The following ADAMTS2 variants were observed in gnomAD, a reference collection of about 807,000 sequenced individuals.
The protein encoded by ADAMTS2 is ADAM metallopeptidase with thrombospondin type 1 motif 2, also known as A disintegrin and metalloproteinase with thrombospondin motifs 2.
Under a neutral mutation model 123.0 loss-of-function variants are expected in ADAMTS2, and 50 were observed. That is an observed-to-expected ratio of 0.41 (90% CI 0.32 to 0.51). The LOEUF (loss-of-function observed/expected upper bound fraction) is 0.51, where lower values mean the gene tolerates loss of function less well. Among genes scored for constraint, ADAMTS2 ranks in the 20% least tolerant of loss-of-function variants. The probability of loss-of-function intolerance (pLI) is 0.35; values close to 1 mark genes in which losing one functional copy is unlikely to be tolerated. For synonymous variants in ADAMTS2, 678 were observed against 695.4 expected (o/e 0.98, Z 0.39); for missense variants, 1,494 against 1,705.2 (o/e 0.88, Z 2.18).
chr5:179,275,782 C>T (rs1256104789), intron 2 of ADAMTS2, among the ~76,000 whole-genome samples: 1 of 152,224 alleles, frequency 6.6e-6, no homozygotes, highest in African/African-American at 2.4e-5. Flanking sequence ...TTCGGACGTC[C>T]GGCCTCAGAA....
chr5:179,342,699 G>T (rs1757811788), intron 2 of ADAMTS2, among the ~76,000 whole-genome samples: 1 of 152,222 alleles, frequency 6.6e-6, no homozygotes, highest in African/African-American at 2.4e-5. Flanking sequence ...GGCGGCTTCA[G>T]ATGTCTGGCC....
At chr5:179,328,589 AT>A (rs1252728882) in intron 2 of ADAMTS2, among the ~76,000 whole-genome samples, 3 of 152,220 alleles carry the variant, frequency 2.0e-5, no homozygotes, top group African/African-American at 7.2e-5. Context: ...CTAATGTGTC[AT>A]TTTTAACTCT....
At chr5:179,207,755 C>G (rs562021310) in intron 3 of ADAMTS2, 40 bp from the exon 4 acceptor site, 48 of 1,588,278 alleles carry the variant, frequency 3.0e-5, no homozygotes, top group Non-Finnish European at 3.9e-5. Flanking sequence ...CAGGGCAAAC[C>G]CACCCGGACA....
intron 5 of ADAMTS2, among the ~76,000 whole-genome samples, chr5:179,163,936 A>T (rs796451623): frequency 2.6e-5 from 4 of 151,048 alleles, no homozygotes; most frequent in East Asian, 2.0e-4. Context: ...GCTGGGGTGC[A>T]TGGGCACAGG....
chr5:179,191,417 C>T (rs771554694), intron 4 of ADAMTS2, among the ~76,000 whole-genome samples: 10 of 152,186 alleles, frequency 6.6e-5, no homozygotes, highest in Non-Finnish European at 1.0e-4. Context: ...TGTGGCCCGG[C>T]CCATCCCGTG....
At chr5:179,344,302 C>A in intron 1 of ADAMTS2, 141 bp from the exon 2 acceptor site, 1 of 1,137,362 alleles carries the variant, frequency 8.8e-7, no homozygotes, top group Non-Finnish European at 1.2e-6. Flanking sequence ...AGAAGCCAGC[C>A]TGCACCTCCC....
chr5:179,176,036 G>A (rs1477202362), intron 5 of ADAMTS2, among the ~76,000 whole-genome samples: 1 of 152,092 alleles, frequency 6.6e-6, no homozygotes. Context: ...TCCTTTGTTT[G>A]ACCAGCATTT....
At chr5:179,289,158 C>G (rs542134985) in intron 2 of ADAMTS2, among the ~76,000 whole-genome samples, 1 of 152,104 alleles carries the variant, frequency 6.6e-6, no homozygotes, top group Non-Finnish European at 1.5e-5. Context: ...TGCTCAGAGA[C>G]GGCCTGTCCC....
intron 3 of ADAMTS2, among the ~76,000 whole-genome samples, chr5:179,216,235 C>A (rs559196568): frequency 6.6e-6 from 1 of 152,316 alleles, no homozygotes; most frequent in East Asian, 1.9e-4. Context: ...TACTGAGCAG[C>A]GTGACCCACG....
rs534575486 is a variant in ADAMTS2 at position 179,204,667 on chromosome 5, T to G, written c.891+2846A>C. Among the ~76,000 whole-genome samples the G allele has an allele frequency of 9.8e-5, 15 of 152,326 alleles. No individual in the cohort carries two copies. The East Asian group carries it at 2.7e-3, about 27-fold the overall frequency. On this transcript the variant is annotated intron_variant, in intron 4 of 21. Coordinates refer to ENST00000251582, the MANE Select transcript of ADAMTS2 (RefSeq NM_014244.5). ...TCTCCGGGCATGCAGAGGCTCTCAG[T>G]GAGGACGCAGGGCATTCATCGTCAG...
intron 10 of ADAMTS2, among the ~76,000 whole-genome samples, chr5:179,146,807 T>C (rs797010121): frequency 2.0e-5 from 3 of 152,328 alleles, no homozygotes; most frequent in African/African-American, 7.2e-5. Flanking sequence ...CATTAATTTT[T>C]ATCTGAATTT....
In ADAMTS2 at chr5:179,175,339, T is replaced by C. The variant is rs1156742730; in HGVS notation, c.975+5733A>G. 6.6e-6 allele frequency among the ~76,000 whole-genome samples: 1 copy of C among 152,266 alleles called. No homozygotes were observed. Among genetic ancestry groups the C allele is most frequent in the African/African-American group, 2.4e-5 (1 of 41,464 alleles). ...ATTCTTGACCGTTCGTGTTCCTAGA[T>C]GGTGCTTAGAATCACTTCATAACAT... On this transcript the variant is annotated intron_variant, in intron 5 of 21. Transcript: ENST00000251582. The surrounding 1 kb of genome is among the most constrained non-coding windows in gnomAD (Gnocchi z 4.1).
intron 3 of ADAMTS2, among the ~76,000 whole-genome samples, chr5:179,257,002 C>G (rs1281516835): frequency 6.6e-6 from 1 of 152,230 alleles, no homozygotes; most frequent in Non-Finnish European, 1.5e-5. Flanking sequence ...GCGGCCCCGG[C>G]TGCCTGGCCC....
intron 3 of ADAMTS2, among the ~76,000 whole-genome samples, chr5:179,269,872 T>C (rs1023683387): frequency 6.6e-6 from 1 of 151,930 alleles, no homozygotes; most frequent in African/African-American, 2.4e-5. Context: ...CAACCACTGC[T>C]CCCCAAAAGG....
chr5:179,144,573 C>T (rs57973434), intron 10 of ADAMTS2, among the ~76,000 whole-genome samples: 1,653 of 152,218 alleles, frequency 0.011, 36 homozygotes, highest in African/African-American at 0.037. Flanking sequence ...ACAAATATAC[C>T]GACGGAATAG....
At chr5:179,222,135 T>G (rs994071745) in intron 3 of ADAMTS2, among the ~76,000 whole-genome samples, 1 of 152,218 alleles carries the variant, frequency 6.6e-6, no homozygotes, top group South Asian at 2.1e-4. Flanking sequence ...TCCAGAAGCC[T>G]GAGTTTGGGG....
At chr5:179,123,602 AT>A (rs1169539042) in intron 19 of ADAMTS2, among the ~76,000 whole-genome samples, 1 of 151,888 alleles carries the variant, frequency 6.6e-6, no homozygotes, top group Non-Finnish European at 1.5e-5. Context: ...ATTTTTTTTA[AT>A]TTTTTTGTAA....
intron 4 of ADAMTS2, among the ~76,000 whole-genome samples, chr5:179,183,291 TG>T (rs1237179153): frequency 3.3e-5 from 5 of 152,196 alleles, no homozygotes; most frequent in Admixed American, 2.0e-4. Flanking sequence ...CGACAAAGCT[TG>T]GCCAGCTTGG....
chr5:179,111,640 C>G lies in ADAMTS2; in HGVS notation c.*2227G>C, dbSNP rs1022879992. 2.6e-5 allele frequency: 4 copies of G among 152,292 alleles called. No homozygotes were observed. Among genetic ancestry groups the G allele is most frequent in the Non-Finnish European group, 5.9e-5 (4 of 68,068 alleles). 9.4% of individuals were successfully genotyped at this position (152,292 alleles called of 1,614,324 possible). A position where few individuals can be genotyped will look rare whatever the true frequency, so the allele number is the denominator to read the frequency against. ...TCCAGCCTCAAGCCAGGAAGCCCTG[C>G]TCTGCTGAGATCTTGGAATGGAGTG... On this transcript the variant is annotated 3_prime_UTR_variant, in exon 22 of 22. Transcript: ENST00000251582.
Sources: gnomAD v4.1 joint callset for allele counts (sites outside exome capture counted in the v4.1 genomes callset) on GRCh38, gnomAD v4.1.1 for gene constraint, Gnocchi (gnomAD v3.1) non-coding constraint, MANE v1.5 for transcripts, NCBI Gene and HGNC (gene_info 2026-07-23, HGNC 2026-07-21) for gene names.